FRAS1: variants seen among roughly 807,000 people sequenced by gnomAD.
FRAS1 encodes extracellular matrix organizing protein FRAS1.
In FRAS1, 290 loss-of-function variants were observed where a neutral mutation model predicts 435.2. That is an observed-to-expected ratio of 0.67 (90% confidence interval 0.61 to 0.73). The LOEUF (loss-of-function observed/expected upper bound fraction) is 0.73, where lower values mean the gene tolerates loss of function less well. Ranked by LOEUF, FRAS1 falls within the 30% of genes least tolerant of loss-of-function variation. FRAS1 has a pLI of 0.00. For missense variants in FRAS1, 4,860 were observed against 5,001.5 expected (o/e 0.97, Z 0.85); for synonymous variants, 1,800 against 1,851.0 (o/e 0.97, Z 0.71).
intron 47 of FRAS1, among the ~76,000 whole-genome samples, chr4:78,459,917 A>G (rs1026501654): frequency 3.3e-5 from 5 of 152,216 alleles, no homozygotes; most frequent in East Asian, 1.9e-4. Context: ...GCCCACCCCA[A>G]TGACCTCATG....
intron 2 of FRAS1, among the ~76,000 whole-genome samples, chr4:78,116,589 C>T (rs751538431): frequency 5.5e-4 from 84 of 152,088 alleles, no homozygotes; most frequent in Non-Finnish European, 1.1e-3. Flanking sequence ...ACGTAATGGC[C>T]TTCTTTGTCT....
intron 4 of FRAS1, among the ~76,000 whole-genome samples, chr4:78,248,635 T>A (rs1725371563): frequency 6.6e-6 from 1 of 152,154 alleles, no homozygotes; most frequent in South Asian, 2.1e-4. Flanking sequence ...AAGTAGAGGA[T>A]GTAATTATAA....
chr4:78,066,953 T>C (rs886484834), intron 2 of FRAS1, among the ~76,000 whole-genome samples: 4 of 152,192 alleles, frequency 2.6e-5, no homozygotes, highest in African/African-American at 9.6e-5. Context: ...TTTTTAAATA[T>C]TTTTCTATCA....
At chr4:78,475,926 C>T (rs745820476) in intron 54 of FRAS1, among the ~76,000 whole-genome samples, 2 of 152,304 alleles carry the variant, frequency 1.3e-5, no homozygotes, top group South Asian at 4.1e-4. Flanking sequence ...TCTCCTCTCA[C>T]CTTCTTTACC....
intron 22 of FRAS1, among the ~76,000 whole-genome samples, chr4:78,368,236 C>A (rs1035065599): frequency 6.6e-6 from 1 of 151,244 alleles, no homozygotes; most frequent in Non-Finnish European, 1.5e-5. Context: ...AACTGAAAAT[C>A]CAGTCTAGAA....
intron 1 of FRAS1, among the ~76,000 whole-genome samples, chr4:78,064,755 C>A (rs1161725602): frequency 6.6e-6 from 1 of 151,834 alleles, no homozygotes; most frequent in African/African-American, 2.4e-5. Flanking sequence ...AGAAGGTAGA[C>A]CAATTCTTTC....
At chr4:78,095,742 A>T (rs1446577757) in intron 2 of FRAS1, among the ~76,000 whole-genome samples, 5 of 152,216 alleles carry the variant, frequency 3.3e-5, no homozygotes, top group Non-Finnish European at 7.3e-5. Context: ...CTATCACAAG[A>T]ACAGCACAGG....
chr4:78,140,764 T>C (rs1720144330), intron 2 of FRAS1, among the ~76,000 whole-genome samples: 2 of 151,870 alleles, frequency 1.3e-5, no homozygotes, highest in African/African-American at 4.8e-5. Flanking sequence ...TGTGTATATG[T>C]ATATACGTGT....
At chr4:78,357,827 C>T (rs372292756) in intron 20 of FRAS1, among the ~76,000 whole-genome samples, 5 of 152,236 alleles carry the variant, frequency 3.3e-5, no homozygotes, top group African/African-American at 7.2e-5. Context: ...CCTGGAGCCC[C>T]GAGTTCAAGG....
intron 59 of FRAS1, among the ~76,000 whole-genome samples, chr4:78,494,801 A>C (rs927240841): frequency 6.6e-6 from 1 of 152,224 alleles, no homozygotes; most frequent in African/African-American, 2.4e-5. Context: ...ATAATGCTTC[A>C]GTGCACATCC....
At chr4:78,463,951 T>G in intron 47 of FRAS1, 70 bp from the exon 48 acceptor site, 4 of 1,544,914 alleles carry the variant, frequency 2.6e-6, no homozygotes, top group South Asian at 2.3e-5. Context: ...AGTATGACAC[T>G]TCCCTAGCCT....
At chr4:78,247,924 C>T (rs1578205235) in intron 4 of FRAS1, among the ~76,000 whole-genome samples, 1 of 152,082 alleles carries the variant, frequency 6.6e-6, no homozygotes, top group Non-Finnish European at 1.5e-5. Context: ...GGAGGGGAGG[C>T]AGTTGAAGTG....
At chr4:78,187,626 T>A (rs1467145577) in intron 2 of FRAS1, among the ~76,000 whole-genome samples, 1 of 152,006 alleles carries the variant, frequency 6.6e-6, no homozygotes, top group South Asian at 2.1e-4. Context: ...TTTTCTGAGA[T>A]GGAGTCTTAT....
chr4:78,215,125 G>A (rs1397185123), intron 2 of FRAS1, among the ~76,000 whole-genome samples: 1 of 152,066 alleles, frequency 6.6e-6, no homozygotes, highest in Non-Finnish European at 1.5e-5. Flanking sequence ...TCTATAAAAT[G>A]TTTGTTTTAA....
At chr4:78,449,179 C>A (rs1718943813) in intron 44 of FRAS1, among the ~76,000 whole-genome samples, 1 of 152,190 alleles carries the variant, frequency 6.6e-6, no homozygotes, top group African/African-American at 2.4e-5. Context: ...CAGCAGGCAG[C>A]ATGGGCATCA....
chr4:78,262,226 C>T (rs992097554), intron 6 of FRAS1, among the ~76,000 whole-genome samples: 1 of 152,214 alleles, frequency 6.6e-6, no homozygotes, highest in African/African-American at 2.4e-5. Flanking sequence ...TTCCATGTCT[C>T]TCTCTGACTG....
intron 20 of FRAS1, among the ~76,000 whole-genome samples, chr4:78,359,218 G>T (rs1208104537): frequency 1.3e-5 from 2 of 152,130 alleles, no homozygotes; most frequent in African/African-American, 2.4e-5. Context: ...CACAGGTGGT[G>T]CCCTGTGGGG....
intron 15 of FRAS1, among the ~76,000 whole-genome samples, chr4:78,312,859 AAGAGAGAG>A (rs61199249): frequency 4.1e-5 from 5 of 121,718 alleles, no homozygotes; most frequent in Admixed American, 1.7e-4. Flanking sequence ...GAAAGAAAGA[AAGAGAGAG>A]AGAGAGAGAG....
Position 78,074,370 on chromosome 4 carries a change from G to A in FRAS1, c.108+8354G>A, listed in dbSNP as rs538059093. Among the ~76,000 whole-genome samples, 4 of 152,302 alleles carry A rather than the reference G, an allele frequency of 2.6e-5. No individual in the cohort carries two copies. The South Asian group carries it at 8.3e-4, about 32-fold the overall frequency. On this transcript the variant is annotated intron_variant, in intron 2 of 73. Coordinates refer to ENST00000512123, the MANE Select transcript of FRAS1 (RefSeq NM_025074.7). ...TCTAAGAGATGAGAATTCAGGAACA[G>A]AAGAAATATGAAATTATTGGCTAAA... is the stretch of plus-strand genomic sequence containing the variant.
Sources: gnomAD v4.1 joint callset for allele counts (sites outside exome capture counted in the v4.1 genomes callset) on GRCh38, gnomAD v4.1.1 for gene constraint, MANE v1.5 for transcripts, NCBI Gene and HGNC (gene_info 2026-07-23, HGNC 2026-07-21) for gene names.